NECAB1: variants seen among roughly 807,000 people sequenced by gnomAD.
The protein encoded by NECAB1 is N-terminal EF-hand calcium-binding protein 1.
A neutral mutation model predicts 57.5 loss-of-function variants in NECAB1; 29 were observed. The observed-to-expected ratio is 0.50, with a 90% CI of 0.38 to 0.69. The LOEUF (loss-of-function observed/expected upper bound fraction) is 0.69, where lower values mean the gene tolerates loss of function less well. Among genes scored for constraint, NECAB1 ranks in the 30% least tolerant of loss-of-function variants. The pLI is 0.00. For synonymous variants in NECAB1, 142 were observed against 147.7 expected (o/e 0.96, Z 0.28); for missense variants, 372 against 413.8 (o/e 0.90, Z 0.88).
At chr8:90,952,889 A>G (rs1254870376) in intron 12 of NECAB1, among the ~76,000 whole-genome samples, 2 of 152,184 alleles carry the variant, frequency 1.3e-5, no homozygotes. Context: ...AGAATGCAGG[A>G]AAGTGAGATC....
intron 3 of NECAB1, among the ~76,000 whole-genome samples, chr8:90,834,366 T>C (rs917267280): frequency 2.6e-5 from 4 of 152,106 alleles, no homozygotes; most frequent in African/African-American, 9.7e-5. Context: ...TCCACAGTGA[T>C]AGTATTAAAA....
In NECAB1 at chr8:90,924,243, A is replaced by G. The variant is rs137913627; in HGVS notation, c.495-1292A>G. Among the ~76,000 whole-genome samples, 349 of 152,326 alleles carry G rather than the reference A, an allele frequency of 2.3e-3. 2 individuals are homozygous for G. Among genetic ancestry groups the G allele is most frequent in the African/African-American group, 8.0e-3 (334 of 41,584 alleles). ...AAATCTGTATGCCATAAAACCATCA[A>G]TAAAGTAAGGAAGATGTTTATTCAT... On this transcript the variant is annotated intron_variant, in intron 6 of 12. Transcript: ENST00000417640.
rs10089160 is a variant in NECAB1 at position 90,823,385 on chromosome 8, A to G, written c.125-1332A>G. Among the ~76,000 whole-genome samples, 910 of 144,854 alleles carry G rather than the reference A, an allele frequency of 6.3e-3. 6 individuals carry two copies. The highest frequency in any genetic ancestry group is 0.024 in the African/African-American group (844 of 35,222). On this transcript the variant is annotated intron_variant, in intron 2 of 12. Coordinates refer to ENST00000417640, the MANE Select transcript of NECAB1 (RefSeq NM_022351.5). ...TTTATACTTATATTTTTTGCAAATA[A>G]GGATTTTTTAAAATGTTGTAGTCTG...
intron 3 of NECAB1, among the ~76,000 whole-genome samples, chr8:90,869,140 G>A (rs886900358): frequency 6.6e-6 from 1 of 152,254 alleles, no homozygotes; most frequent in Non-Finnish European, 1.5e-5. Context: ...CTACAGGTGT[G>A]CAGAAGGCAA....
In NECAB1 at chr8:90,928,275, A is replaced by G. The variant is rs1368954096; in HGVS notation, c.669A>G (p.Lys223=). The change falls in exon 8 of 13, where the codon AAA becomes AAG. Residue 223 remains lysine, a synonymous_variant. Transcript: ENST00000417640. ...TGACCCAGATAAATAGACTCCAGAAATTAATTGATAGACTGGAAAAGAAGG... is the reference window on the plus strand; with the variant it reads ...TGACCCAGATAAATAGACTCCAGAAGTTAATTGATAGACTGGAAAAGAAGG... ...QWMTQINRLQ[K]LIDRLEKKDL... is the part of the protein sequence containing the mutation. 1.9e-6 allele frequency: 3 copies of G among 1,608,866 alleles called. No homozygotes were observed. The highest frequency in any genetic ancestry group is 2.5e-6 in the Non-Finnish European group (3 of 1,177,842).
rs33942093 is a variant in NECAB1, at chr8:90,917,881, T to TGTGTGTGTGC, written c.494+254_494+255insTGTGTGTGCG. 6.2e-3 allele frequency among the ~76,000 whole-genome samples: 736 copies of TGTGTGTGTGC among 117,812 alleles called. 29 individuals carry two copies. Among genetic ancestry groups the TGTGTGTGTGC allele is most frequent in the African/African-American group, 0.025 (700 of 27,560 alleles). 77.3% of individuals were successfully genotyped at this position (117,812 alleles called of 152,430 possible). A position where few individuals can be genotyped will look rare whatever the true frequency, so the allele number is the denominator to read the frequency against. The stretch of plus-strand genomic sequence containing the variant: ...ATATATATATATATATGTGTGTGTG[T>TGTGTGTGTGC]GCGTGTATATATATGTCTGTGTGTA... On this transcript the variant is annotated intron_variant, in intron 6 of 12. Coordinates refer to ENST00000417640, the MANE Select transcript of NECAB1 (RefSeq NM_022351.5).
intron 10 of NECAB1, among the ~76,000 whole-genome samples, chr8:90,944,527 GTT>G (rs2130252298): frequency 6.6e-6 from 1 of 152,246 alleles, no homozygotes; most frequent in African/African-American, 2.4e-5. Context: ...ATTAATCCCC[GTT>G]TTTGTCATAG....
intron 3 of NECAB1, among the ~76,000 whole-genome samples, chr8:90,866,599 C>A (rs1275040297): frequency 6.6e-6 from 1 of 151,962 alleles, no homozygotes; most frequent in Non-Finnish European, 1.5e-5. Flanking sequence ...GCAAAGGAAG[C>A]TAAAAATAAA....
At position 90,876,062 on chromosome 8, in the gene NECAB1, G is replaced by A. The variant is rs951799054; in HGVS notation, c.259+3909G>A. ...AGTAAAATAAAATAACTGAGCGTAC[G>A]GGAAACTCCAGAATAAAAGCTTATT... On this transcript the variant is annotated intron_variant, in intron 4 of 12. Coordinates refer to ENST00000417640, the MANE Select transcript of NECAB1 (RefSeq NM_022351.5). 3.3e-5 allele frequency among the ~76,000 whole-genome samples: 5 copies of A among 151,946 alleles called. No individual in the cohort carries two copies. The East Asian group carries it at 5.8e-4, about 18-fold the overall frequency.
At chr8:90,895,930 C>T (rs1416337308) in intron 5 of NECAB1, among the ~76,000 whole-genome samples, 3 of 152,222 alleles carry the variant, frequency 2.0e-5, no homozygotes, top group Non-Finnish European at 4.4e-5. Flanking sequence ...TAAAGCTCAA[C>T]GAGCTGATGT....
intron 2 of NECAB1, among the ~76,000 whole-genome samples, chr8:90,808,640 CTTTT>C (rs200075536): frequency 2.5e-5 from 2 of 81,276 alleles, no homozygotes; most frequent in Non-Finnish European, 4.4e-5. Context: ...TTTTTCTTTT[CTTTT>C]TTTTTTTTTT....
intron 3 of NECAB1, among the ~76,000 whole-genome samples, chr8:90,833,243 A>G (rs1413590788): frequency 1.3e-5 from 2 of 152,034 alleles, no homozygotes; most frequent in African/African-American, 2.4e-5. Context: ...TGCATTTGCC[A>G]TATTTTCTCT....
At chr8:90,887,155 A>G (rs111520281) in intron 5 of NECAB1, among the ~76,000 whole-genome samples, 1,523 of 152,140 alleles carry the variant, frequency 0.01, 24 homozygotes, top group African/African-American at 0.034. Context: ...AACATCGAGA[A>G]CCTCTGCACT....
chr8:90,844,456 A>AAG, intron 3 of NECAB1, among the ~76,000 whole-genome samples: 1 of 152,158 alleles, frequency 6.6e-6, no homozygotes, highest in Middle Eastern at 3.2e-3. Flanking sequence ...TTCTGGCCAG[A>AAG]CATATCATGC....
At chr8:90,889,849 A>G (rs1028754443) in intron 5 of NECAB1, among the ~76,000 whole-genome samples, 7 of 152,188 alleles carry the variant, frequency 4.6e-5, no homozygotes, top group African/African-American at 1.4e-4. Flanking sequence ...CTATTACTAG[A>G]AGTAAGTCAA....
chr8:90,845,644 C>G (rs1485979031), intron 3 of NECAB1, among the ~76,000 whole-genome samples: 1 of 152,118 alleles, frequency 6.6e-6, no homozygotes, highest in Non-Finnish European at 1.5e-5. Context: ...AGGTACAACA[C>G]AGTATTAAGT....
At chr8:90,921,539 TG>T (rs773827168) in intron 6 of NECAB1, among the ~76,000 whole-genome samples, 3 of 152,188 alleles carry the variant, frequency 2.0e-5, no homozygotes, top group Non-Finnish European at 2.9e-5. Flanking sequence ...GGCATGGTGG[TG>T]GCAGATACCT....
Position 90,791,946 on chromosome 8 carries a change from T to A in NECAB1, c.60T>A (p.Ser20=), listed in dbSNP as rs546458656. ...ACAACTCCTCGGAGGAGCTCAGCTC[T>A]GCTCTGCACCTGTCCAAGGGCATGT... The part of the protein sequence containing the change: ...SSNNSSEELS[S]ALHLSKGMSI... The change falls in exon 1 of 13, where the codon TCT becomes TCA. Residue 20 remains serine (S), a synonymous_variant. Coordinates refer to ENST00000417640, the MANE Select transcript of NECAB1 (RefSeq NM_022351.5). 9.0e-6 allele frequency: 14 copies of A among 1,552,864 alleles called. No individual in the cohort carries two copies. The African/African-American group carries it at 1.2e-4, about 14-fold the overall frequency.
At chr8:90,942,087 A>G (rs890150648) in intron 10 of NECAB1, among the ~76,000 whole-genome samples, 3 of 152,198 alleles carry the variant, frequency 2.0e-5, no homozygotes, top group Non-Finnish European at 2.9e-5. Context: ...ATACCCCAGC[A>G]GAATATTTCT....
Sources: gnomAD v4.1 joint callset for allele counts (sites outside exome capture counted in the v4.1 genomes callset) on GRCh38, gnomAD v4.1.1 for gene constraint, MANE v1.5 for transcripts, NCBI Gene and HGNC (gene_info 2026-07-23, HGNC 2026-07-21) for gene names.